The following CDH7 variants were observed in gnomAD, a reference collection of about 807,000 sequenced individuals.
CDH7 encodes the protein cadherin 7, also known as cadherin-7.
A neutral mutation model predicts 71.8 loss-of-function variants in CDH7; 25 were observed. The ratio of observed to expected loss-of-function variants is 0.35; its 90% CI spans 0.25 to 0.49. The LOEUF is 0.49. Among genes scored for constraint, CDH7 ranks in the 20% least tolerant of loss-of-function variants. CDH7 has a pLI of 0.99. For synonymous variants in CDH7, 381 were observed against 363.8 expected (o/e 1.05, Z -0.54); for missense variants, 862 against 974.6 (o/e 0.88, Z 1.54).
rs201853143 is a variant in CDH7, at chr18:65,862,785, C to G, written c.1732C>G (p.Leu578Val). The change falls in exon 11 of 12, where the codon CTC becomes GTC. Residue 578 changes from leucine (L) to valine (V), a missense_variant. Physicochemically the swap from Leu to Val is conservative, Grantham distance 32 (BLOSUM62 1). Transcript: ENST00000397968. ...GSPSLSSTNT[L>V]TIRVCDCDAD... ...TCCCTCACTTAGCAGCACCAACACC[C>G]TCACCATCCGCGTGTGTGACTGTGA... is the stretch of plus-strand genomic sequence containing the variant. 3.2e-5 allele frequency: 51 copies of G among 1,614,134 alleles called. No individual in the cohort carries two copies. The African/African-American group carries it at 6.4e-4, about 20-fold the overall frequency.
At chr18:65,818,139 A>G (rs1911785944) in intron 4 of CDH7, among the ~76,000 whole-genome samples, 1 of 152,196 alleles carries the variant, frequency 6.6e-6, no homozygotes, top group African/African-American at 2.4e-5. Context: ...CGGTATATTT[A>G]TTTTCACAAT....
chr18:65,855,743 A>G (rs1372429376), intron 7 of CDH7, among the ~76,000 whole-genome samples: 3 of 152,152 alleles, frequency 2.0e-5, no homozygotes, highest in African/African-American at 7.2e-5. Flanking sequence ...CAACTTTTTT[A>G]CAAGTACAGC....
Position 65,801,204 on chromosome 18 carries a change from A to G in CDH7, c.211-8500A>G, listed in dbSNP as rs761918782. Among the ~76,000 whole-genome samples the G allele has an allele frequency of 6.8e-4, 103 of 152,316 alleles. 1 individual carries two copies. The highest frequency in any genetic ancestry group is 1.3e-3 in the Non-Finnish European group (88 of 68,034). ...AAGCCAGACATATAGTAGATAGTCC[A>G]TAGTTATTTTTAATAGGTGATTAGT... On this transcript the variant is annotated intron_variant, in intron 2 of 11. Transcript: ENST00000397968.
At chr18:65,860,896 A>G (rs1913540813) in intron 10 of CDH7, among the ~76,000 whole-genome samples, 1 of 152,156 alleles carries the variant, frequency 6.6e-6, no homozygotes, top group Admixed American at 6.5e-5. Context: ...TGAGAATACT[A>G]TTGTGTCCCT....
intron 2 of CDH7, among the ~76,000 whole-genome samples, chr18:65,801,979 A>G (rs1911141060): frequency 6.6e-6 from 1 of 152,208 alleles, no homozygotes; most frequent in Admixed American, 6.5e-5. Flanking sequence ...CTTCTCCAAA[A>G]TGCCAGGTAC....
rs576499195 is a variant in CDH7, at chr18:65,843,851, A to G, written c.1021A>G (p.Ile341Val). The G allele has an allele frequency of 4.4e-6, 7 of 1,583,550 alleles. No homozygotes were observed. Among genetic ancestry groups the G allele is most frequent in the Admixed American group, 3.5e-5 (2 of 56,820 alleles). Residue 341 changes from isoleucine (I) to valine (V), a missense_variant, in exon 7 of 12, where the codon ATA becomes GTA. Physicochemically the swap from Ile to Val is conservative, Grantham distance 29 (BLOSUM62 3). Transcript: ENST00000397968. ...AGCCAAAACAAGTTACACGCTACGG[A>G]TAGAAGCTGCAAATAAAGATGCCGA... ...FEAKTSYTLR[I>V]EAANKDADPR...
At chr18:65,756,793 T>C (rs2143773577) in intron 1 of CDH7, among the ~76,000 whole-genome samples, 1 of 152,358 alleles carries the variant, frequency 6.6e-6, no homozygotes, top group East Asian at 1.9e-4. Flanking sequence ...AGCTGATAGT[T>C]ATATATCATA....
At chr18:65,782,174 C>CTTTCTTTTCTTTTCTTTTCT (rs1568182783) in intron 2 of CDH7, among the ~76,000 whole-genome samples, 1 of 108,222 alleles carries the variant, frequency 9.2e-6, no homozygotes, top group African/African-American at 4.5e-5. Flanking sequence ...TCCTTTCTTT[C>CTTTCTTTTCTTTTCTTTTCT]TTTCTTTCTT....
At chr18:65,858,717 T>G (rs1913452828) in intron 8 of CDH7, among the ~76,000 whole-genome samples, 1 of 152,108 alleles carries the variant, frequency 6.6e-6, no homozygotes, top group Non-Finnish European at 1.5e-5. Flanking sequence ...TACATATATG[T>G]ATGTGTGTAT....
chr18:65,856,431 A>G (rs1228259195), intron 7 of CDH7, among the ~76,000 whole-genome samples: 1 of 152,144 alleles, frequency 6.6e-6, no homozygotes, highest in Non-Finnish European at 1.5e-5. Flanking sequence ...GCTAGCATCA[A>G]TAAACTGTAG....
At chr18:65,821,138 A>AC (rs1457398320) in intron 4 of CDH7, among the ~76,000 whole-genome samples, 77 of 151,398 alleles carry the variant, frequency 5.1e-4, no homozygotes, top group Non-Finnish European at 1.0e-3. Flanking sequence ...CAAACAAAAA[A>AC]AAAAACAAGA....
chr18:65,868,549 C>T (rs1913834689), intron 11 of CDH7, among the ~76,000 whole-genome samples: 1 of 152,210 alleles, frequency 6.6e-6, no homozygotes, highest in African/African-American at 2.4e-5. Flanking sequence ...ACAGCCTGGG[C>T]ACTGCCAAAT....
At chr18:65,851,599 T>C (rs897888389) in intron 7 of CDH7, among the ~76,000 whole-genome samples, 1 of 152,220 alleles carries the variant, frequency 6.6e-6, no homozygotes, top group African/African-American at 2.4e-5. Flanking sequence ...TTGTAACAGA[T>C]GTTCAGAACA....
At chr18:65,846,551 A>G (rs2143998761) in intron 7 of CDH7, among the ~76,000 whole-genome samples, 1 of 152,316 alleles carries the variant, frequency 6.6e-6, no homozygotes, top group South Asian at 2.1e-4. Flanking sequence ...TCATAAGGTC[A>G]GCACAATTAT....
intron 7 of CDH7, among the ~76,000 whole-genome samples, chr18:65,855,648 T>G (rs570872065): frequency 1.3e-5 from 2 of 152,132 alleles, no homozygotes; most frequent in Non-Finnish European, 2.9e-5. Flanking sequence ...ATAGCTTCAC[T>G]GACAAATTTT....
intron 6 of CDH7, among the ~76,000 whole-genome samples, chr18:65,832,977 A>T (rs899620068): frequency 6.6e-6 from 1 of 152,178 alleles, no homozygotes; most frequent in African/African-American, 2.4e-5. Flanking sequence ...AAAGATAACT[A>T]TGCATCCGGT....
At position 65,859,019 on chromosome 18, in the gene CDH7, C is replaced by T. The variant is rs147764044; in HGVS notation, c.1467C>T (p.Thr489=). The change falls in exon 9 of 12, where the codon ACC becomes ACT. Residue 489 remains threonine (T), a synonymous_variant. Coordinates refer to ENST00000397968, the MANE Select transcript of CDH7 (RefSeq NM_004361.5). The part of the protein sequence containing the change: ...APEFAMDYET[T]VCENAQPGQV... Reference sequence around the variant, plus strand: ...AATTTGCCATGGACTATGAGACCACCGTCTGTGAAAATGCCCAGCCGGGGC... The same window carrying T: ...AATTTGCCATGGACTATGAGACCACTGTCTGTGAAAATGCCCAGCCGGGGC... 6.2e-6 allele frequency: 10 copies of T among 1,613,358 alleles called. No homozygotes were observed. The highest frequency in any genetic ancestry group is 7.6e-6 in the Non-Finnish European group (9 of 1,179,524).
rs1247743277 is a variant in CDH7, at chr18:65,782,181, T to C, written c.210+19129T>C. Among the ~76,000 whole-genome samples the C allele has an allele frequency of 1.4e-5, 2 of 139,640 alleles. 1 individual carries two copies. Among genetic ancestry groups the C allele is most frequent in the Non-Finnish European group, 3.0e-5 (2 of 65,680 alleles). The allele number at this position is 139,640 out of a possible 152,430, so 91.6% of individuals were successfully genotyped here. A position where few individuals can be genotyped will look rare whatever the true frequency, so the allele number is the denominator to read the frequency against. On this transcript the variant is annotated intron_variant, in intron 2 of 11. Coordinates refer to ENST00000397968, the MANE Select transcript of CDH7 (RefSeq NM_004361.5). ...TTCTTTCTTCCTTTCTTTCTTTCTT[T>C]CTTTCTTGACAGAGTCTCACTCCGT...
chr18:65,760,117 T>C (rs574270623), intron 1 of CDH7, among the ~76,000 whole-genome samples: 3 of 152,154 alleles, frequency 2.0e-5, no homozygotes, highest in Non-Finnish European at 4.4e-5. Context: ...ACATAGCCAG[T>C]TTCAAACTAA....
Sources: gnomAD v4.1 joint callset for allele counts (sites outside exome capture counted in the v4.1 genomes callset) on GRCh38, gnomAD v4.1.1 for gene constraint, MANE v1.5 for transcripts, NCBI Gene and HGNC (gene_info 2026-07-23, HGNC 2026-07-21) for gene names.